The following MROH9 variants were observed in gnomAD, a reference collection of about 807,000 sequenced individuals.
MROH9 encodes the protein maestro heat like repeat family member 9, also known as maestro heat-like repeat-containing protein family member 9.
A neutral mutation model predicts 98.2 loss-of-function variants in MROH9; 92 were observed. The observed-to-expected ratio is 0.94, with a 90% CI of 0.79 to 1.11. The LOEUF is 1.11. MROH9 is among the 50% of genes most tolerant of loss of function. The pLI is 0.00. For synonymous variants in MROH9, 397 were observed against 368.9 expected (o/e 1.08, Z -0.87); for missense variants, 1,057 against 1,014.8 (o/e 1.04, Z -0.57).
chr1:170,990,994 T>C (rs980676672), intron 11 of MROH9, among the ~76,000 whole-genome samples: 1 of 152,136 alleles, frequency 6.6e-6, no homozygotes, highest in East Asian at 1.9e-4. Flanking sequence ...GAAAGATCTT[T>C]GTAAGATGAT....
intron 8 of MROH9, among the ~76,000 whole-genome samples, chr1:170,977,309 A>C (rs1168700841): frequency 6.6e-6 from 1 of 152,138 alleles, no homozygotes; most frequent in African/African-American, 2.4e-5. Flanking sequence ...GACACAAGAC[A>C]CTCTAGCTAT....
intron 7 of MROH9, among the ~76,000 whole-genome samples, chr1:170,966,195 C>T (rs1343713670): frequency 6.6e-6 from 1 of 152,040 alleles, no homozygotes; most frequent in East Asian, 1.9e-4. Context: ...CCCATTTCCC[C>T]ACACCTTCAC....
At chr1:170,951,280 T>C (rs1444473328) in intron 3 of MROH9, among the ~76,000 whole-genome samples, 1 of 152,096 alleles carries the variant, frequency 6.6e-6, no homozygotes, top group African/African-American at 2.4e-5. Flanking sequence ...ACTCCATCAA[T>C]TTGTCTCTAC....
At chr1:171,015,374 GA>G (rs1338313476) in intron 16 of MROH9, among the ~76,000 whole-genome samples, 1 of 152,170 alleles carries the variant, frequency 6.6e-6, no homozygotes, top group African/African-American at 2.4e-5. Context: ...GAGAGTGAAA[GA>G]AAAGTAGTGG....
At chr1:170,958,429 CTTTTTTT>C (rs374865486) in intron 3 of MROH9, 25 bp from the exon 4 acceptor site, 9 of 990,814 alleles carry the variant, frequency 9.1e-6, no homozygotes, top group Non-Finnish European at 8.7e-6. Flanking sequence ...ATTAATTCTT[CTTTTTTT>C]TTTTTTTTTT....
chr1:170,954,215 C>G (rs1649675234), intron 3 of MROH9, among the ~76,000 whole-genome samples: 1 of 152,082 alleles, frequency 6.6e-6, no homozygotes, highest in East Asian at 1.9e-4. Flanking sequence ...CCATTTATCT[C>G]TGAGAAATTA....
chr1:170,992,060 T>C, intron 11 of MROH9, 104 bp from the exon 12 acceptor site: 1 of 1,239,942 alleles, frequency 8.1e-7, no homozygotes, highest in Non-Finnish European at 1.1e-6. Flanking sequence ...GTCTTTGCTA[T>C]ATAAAAATGT....
chr1:171,030,742 C>A (rs1478666228), intron 20 of MROH9, among the ~76,000 whole-genome samples: 5 of 152,178 alleles, frequency 3.3e-5, no homozygotes, highest in Non-Finnish European at 5.9e-5. Flanking sequence ...CCATGTGGCA[C>A]TGAGAAGAAT....
intron 15 of MROH9, among the ~76,000 whole-genome samples, chr1:171,004,075 G>A (rs1053964349): frequency 1.1e-4 from 17 of 152,100 alleles, no homozygotes; most frequent in Non-Finnish European, 2.5e-4. Context: ...CAAAGGGGCA[G>A]TCTCACTCCC....
At chr1:171,054,482 C>T (rs1401538922) in intron 20 of MROH9, among the ~76,000 whole-genome samples, 1 of 152,066 alleles carries the variant, frequency 6.6e-6, no homozygotes, top group Non-Finnish European at 1.5e-5. Flanking sequence ...GCAAAGACTT[C>T]ATGACCAAGA....
At chr1:171,044,420 T>G (rs1653399326) in intron 20 of MROH9, among the ~76,000 whole-genome samples, 1 of 152,212 alleles carries the variant, frequency 6.6e-6, no homozygotes, top group South Asian at 2.1e-4. Context: ...GGCCCATAGT[T>G]TTCTTCTTCT....
At chr1:171,019,556 G>A (rs1335490819) in intron 17 of MROH9, among the ~76,000 whole-genome samples, 1 of 151,976 alleles carries the variant, frequency 6.6e-6, no homozygotes, top group Non-Finnish European at 1.5e-5. Flanking sequence ...GAAGGCTGAG[G>A]CAGAGAATTG....
At position 171,018,561 on chromosome 1, in the gene MROH9, G is replaced by A. The variant is rs189063826; in HGVS notation, c.1908+2225G>A. Among the ~76,000 whole-genome samples, 88 of 152,284 alleles carry A rather than the reference G, an allele frequency of 5.8e-4. No homozygotes were observed. The East Asian group carries it at 0.01, about 18-fold the overall frequency. Reference sequence around the variant, plus strand: ...GAACTGGACGGAGGATGAGATGGACGAATTGACAGAAGTAGGCTTCAGAAG... The same window carrying A: ...GAACTGGACGGAGGATGAGATGGACAAATTGACAGAAGTAGGCTTCAGAAG... On this transcript the variant is annotated intron_variant, in intron 17 of 21. Transcript: ENST00000367759.
chr1:170,989,817 C>G, intron 10 of MROH9, 38 bp from the exon 11 acceptor site: 3 of 1,566,608 alleles, frequency 1.9e-6, no homozygotes, highest in African/African-American at 1.4e-5. Flanking sequence ...GACCATGGAA[C>G]AGGAGATTCT....
chr1:171,052,693 G>C (rs900553376), intron 20 of MROH9, among the ~76,000 whole-genome samples: 2 of 152,136 alleles, frequency 1.3e-5, no homozygotes, highest in African/African-American at 4.8e-5. Context: ...GGCAGCTCAG[G>C]CTCCTAATCC....
intron 10 of MROH9, among the ~76,000 whole-genome samples, chr1:170,988,094 T>G (rs1651217729): frequency 6.6e-6 from 1 of 152,174 alleles, no homozygotes; most frequent in Non-Finnish European, 1.5e-5. Context: ...AATACAAAGA[T>G]GAAATTGTTT....
intron 8 of MROH9, among the ~76,000 whole-genome samples, chr1:170,975,403 C>T (rs149766118): frequency 8.5e-5 from 13 of 152,066 alleles, no homozygotes; most frequent in East Asian, 5.8e-4. Context: ...ATAAAGGGAT[C>T]GATTAATTAA....
In MROH9 at chr1:171,055,290, A is replaced by G. The variant is rs747189649; in HGVS notation, c.2282-6842A>G. Among the ~76,000 whole-genome samples the G allele has an allele frequency of 2.6e-5, 4 of 152,176 alleles. 1 individual carries two copies. The highest frequency in any genetic ancestry group is 5.9e-5 in the Non-Finnish European group (4 of 68,024). ...AACCAAACTTCCTGTGTTCTCACTTATAAGTGGGAGCTAGGCTATGAGGAT... is the reference window on the plus strand; with the variant it reads ...AACCAAACTTCCTGTGTTCTCACTTGTAAGTGGGAGCTAGGCTATGAGGAT... On this transcript the variant is annotated intron_variant, in intron 20 of 21. Coordinates refer to ENST00000367759, the MANE Select transcript of MROH9 (RefSeq NM_001163629.2).
At chr1:170,959,118 C>T (rs373471601) in intron 4 of MROH9, among the ~76,000 whole-genome samples, 34 of 152,142 alleles carry the variant, frequency 2.2e-4, no homozygotes, top group African/African-American at 7.5e-4. Flanking sequence ...GCTCACACCT[C>T]TAATCCCAGC....
Sources: allele counts gnomAD v4.1 joint callset (sites outside exome capture counted in the v4.1 genomes callset), GRCh38; gene constraint gnomAD v4.1.1; transcripts MANE v1.5; gene names NCBI Gene and HGNC (gene_info 2026-07-23, HGNC 2026-07-21).